The following CSMD2 variants were observed in gnomAD, a reference collection of about 807,000 sequenced individuals.
CSMD2 encodes the protein CUB and Sushi multiple domains 2.
Under a neutral mutation model 398.5 loss-of-function variants are expected in CSMD2, and 130 were observed. The observed-to-expected ratio is 0.33, with a 90% CI of 0.28 to 0.38. The LOEUF is 0.38. Among genes scored for constraint, CSMD2 ranks in the 10% least tolerant of loss-of-function variants. CSMD2 has a pLI of 1.00. For missense variants in CSMD2, 3,829 were observed against 4,764.9 expected, an observed-to-expected ratio of 0.80 and a Z score of 5.78; for synonymous variants, 1,828 against 1,908.5, an observed-to-expected ratio of 0.96 and a Z score of 1.10.
At chr1:33,642,110 G>A (rs1291649383) in intron 29 of CSMD2, among the ~76,000 whole-genome samples, 1 of 152,024 alleles carries the variant, frequency 6.6e-6, no homozygotes, top group Non-Finnish European at 1.5e-5. Flanking sequence ...ACTTTGGGAG[G>A]CCAAGGTGGG....
chr1:33,932,839 G>A (rs185805130), intron 4 of CSMD2, among the ~76,000 whole-genome samples: 8 of 152,316 alleles, frequency 5.3e-5, no homozygotes, highest in African/African-American at 1.4e-4. Flanking sequence ...AGACTGCAAG[G>A]AGATGACAAA....
At chr1:33,959,537 T>C (rs1270565656) in intron 3 of CSMD2, among the ~76,000 whole-genome samples, 1 of 151,940 alleles carries the variant, frequency 6.6e-6, no homozygotes, top group Non-Finnish European at 1.5e-5. Context: ...CATATCCAGG[T>C]TTAGTACTGA....
chr1:33,768,835 A>G (rs1384319581), intron 13 of CSMD2, among the ~76,000 whole-genome samples: 6 of 152,208 alleles, frequency 3.9e-5, no homozygotes, highest in Non-Finnish European at 8.8e-5. Flanking sequence ...CTTAAATCGT[A>G]TACATCCAAG....
At chr1:33,597,863 A>G (rs779095938) in intron 44 of CSMD2, among the ~76,000 whole-genome samples, 1 of 152,238 alleles carries the variant, frequency 6.6e-6, no homozygotes, top group Non-Finnish European at 1.5e-5. Flanking sequence ...AAATTGCTAT[A>G]TTTTCATGCA....
chr1:34,043,911 A>G (rs1346790928), intron 2 of CSMD2, among the ~76,000 whole-genome samples: 1 of 152,208 alleles, frequency 6.6e-6, no homozygotes, highest in Admixed American at 6.5e-5. Context: ...CTGGTTGGCA[A>G]TATTTCATAT....
intron 3 of CSMD2, among the ~76,000 whole-genome samples, chr1:33,980,339 G>C (rs937664839): frequency 1.3e-5 from 2 of 152,178 alleles, no homozygotes; most frequent in Non-Finnish European, 2.9e-5. Context: ...GTAGCTGTCA[G>C]TGCAAAGCAC....
At chr1:33,776,503 T>C (rs542114232) in intron 12 of CSMD2, among the ~76,000 whole-genome samples, 1 of 152,248 alleles carries the variant, frequency 6.6e-6, no homozygotes, top group East Asian at 1.9e-4. Context: ...TGTCTGAAGC[T>C]GTCACTCTGG....
chr1:33,805,438 G>A (rs1427012260), intron 10 of CSMD2, among the ~76,000 whole-genome samples: 1 of 152,134 alleles, frequency 6.6e-6, no homozygotes, highest in African/African-American at 2.4e-5. Flanking sequence ...TCCCAGCACT[G>A]TGGTTCCAGG....
At chr1:33,652,551 G>A (rs1643818074) in intron 27 of CSMD2, 90 bp from the exon 28 acceptor site, 1 of 1,464,940 alleles carries the variant, frequency 6.8e-7, no homozygotes, top group African/African-American at 1.4e-5. Flanking sequence ...AGAGAGGAGA[G>A]GCTGAGGCTG....
chr1:33,722,374 C>A (rs1646384788), intron 19 of CSMD2, among the ~76,000 whole-genome samples: 1 of 152,234 alleles, frequency 6.6e-6, no homozygotes, highest in Non-Finnish European at 1.5e-5. Flanking sequence ...CCAAGTCACC[C>A]TCTGGAATGC....
At position 34,160,130 on chromosome 1, in the gene CSMD2, G is replaced by T. The variant is rs548206807; in HGVS notation, c.187+4781C>A. 2.0e-5 allele frequency among the ~76,000 whole-genome samples: 3 copies of T among 152,252 alleles called. No homozygotes were observed. The East Asian group carries it at 5.8e-4, about 29-fold the overall frequency. On this transcript the variant is annotated intron_variant, in intron 1 of 70. Transcript: ENST00000373381. ...GGGGGTGCTGCTGAAGCTGCCTGCTGGGCTCTGCCGGAGAAACCCAAACCA... is the reference window on the plus strand; with the variant it reads ...GGGGGTGCTGCTGAAGCTGCCTGCTTGGCTCTGCCGGAGAAACCCAAACCA...
At chr1:33,932,303 C>T (rs1055953893) in intron 4 of CSMD2, among the ~76,000 whole-genome samples, 2 of 152,066 alleles carry the variant, frequency 1.3e-5, no homozygotes, top group African/African-American at 4.8e-5. Flanking sequence ...GTAACAATTA[C>T]AGCAACACAG....
chr1:33,954,069 A>G (rs1428338493), intron 3 of CSMD2, among the ~76,000 whole-genome samples: 1 of 152,118 alleles, frequency 6.6e-6, no homozygotes, highest in East Asian at 1.9e-4. Flanking sequence ...ACTACCCCTT[A>G]GGGTTGCTAT....
chr1:34,030,201 C>T (rs948962015), intron 3 of CSMD2, among the ~76,000 whole-genome samples: 8 of 152,142 alleles, frequency 5.3e-5, no homozygotes, highest in Non-Finnish European at 1.2e-4. Flanking sequence ...AAATTCTATT[C>T]AATTTTAGTT....
At chr1:34,123,594 G>T (rs1026141923) in intron 1 of CSMD2, among the ~76,000 whole-genome samples, 1 of 152,166 alleles carries the variant, frequency 6.6e-6, no homozygotes, top group Non-Finnish European at 1.5e-5. Flanking sequence ...CATGTGACTG[G>T]TGTCTGAAGC....
intron 9 of CSMD2, among the ~76,000 whole-genome samples, chr1:33,817,753 C>T (rs1657638009): frequency 6.6e-6 from 1 of 152,238 alleles, no homozygotes; most frequent in South Asian, 2.1e-4. Context: ...CTATTATCAC[C>T]ACTTTTTGGC....
intron 2 of CSMD2, among the ~76,000 whole-genome samples, chr1:34,042,621 G>A (rs1225654467): frequency 1.3e-5 from 2 of 152,132 alleles, no homozygotes; most frequent in African/African-American, 4.8e-5. Context: ...GGCCTCAAGT[G>A]AAATAAGAGA....
intron 48 of CSMD2, among the ~76,000 whole-genome samples, chr1:33,580,167 G>A (rs1343331709): frequency 3.3e-5 from 5 of 152,166 alleles, no homozygotes. Context: ...TCTTCAAAGT[G>A]GGCATCAAGC....
intron 22 of CSMD2, among the ~76,000 whole-genome samples, chr1:33,704,637 T>G (rs538166330): frequency 6.6e-6 from 1 of 152,356 alleles, no homozygotes; most frequent in East Asian, 1.9e-4. Flanking sequence ...ATTGCCAATA[T>G]TTTAACAGTT....
Sources: allele counts gnomAD v4.1 joint callset (sites outside exome capture counted in the v4.1 genomes callset), GRCh38; gene constraint gnomAD v4.1.1; transcripts MANE v1.5; gene names NCBI Gene and HGNC (gene_info 2026-07-23, HGNC 2026-07-21).